OTOG: variants seen among roughly 807,000 people sequenced by gnomAD.
The protein encoded by OTOG is otogelin.
In OTOG, 296 loss-of-function variants were observed where a neutral mutation model predicts 313.8. The observed-to-expected ratio is 0.94, with a 90% confidence interval of 0.86 to 1.04. The LOEUF is 1.04. OTOG is among the 50% of genes least tolerant of loss of function. The pLI, the probability that OTOG is intolerant of heterozygous loss-of-function variation, is 0.00. For missense variants in OTOG, 3,948 were observed against 3,840.1 expected, an observed-to-expected ratio of 1.03 and a Z score of -0.74; for synonymous variants, 1,533 against 1,554.9, an observed-to-expected ratio of 0.99 and a Z score of 0.33.
At position 17,578,496 on chromosome 11, in the gene OTOG, C is replaced by G; in HGVS notation, c.2729C>G (p.Pro910Arg). The G allele has an allele frequency of 6.5e-7, 1 of 1,539,142 alleles. No individual in the cohort carries two copies. Among genetic ancestry groups the G allele is most frequent in the Non-Finnish European group, 8.7e-7 (1 of 1,146,698 alleles). ...AACCTGAGCGTGTCAGCCCGTGGCCCCTGCCTCTCGGGCTGCGCCTGTCCC... is the reference window on the plus strand; with the variant it reads ...AACCTGAGCGTGTCAGCCCGTGGCCGCTGCCTCTCGGGCTGCGCCTGTCCC... ...LLNLSVSARG[P>R]CLSGCACPQG... is the part of the protein sequence containing the mutation. Residue 910 changes from proline (P) to arginine (R), a missense_variant, in exon 23 of 56, where the codon CCC becomes CGC. Physicochemically the swap from Pro to Arg is moderately radical, Grantham distance 103 (BLOSUM62 -2). Transcript: ENST00000399397.
chr11:17,613,370 T>TTCCTTCCTTCCTTCCTTCCC (rs1491396194), intron 38 of OTOG, among the ~76,000 whole-genome samples: 1 of 69,004 alleles, frequency 1.4e-5, no homozygotes, highest in Non-Finnish European at 3.6e-5. Flanking sequence ...CCTTCCTTCC[T>TTCCTTCCTTCCTTCCTTCCC]TCCCTCCTTC....
At chr11:17,569,107 G>T in intron 15 of OTOG, 49 bp from the exon 16 acceptor site, 1 of 1,548,090 alleles carries the variant, frequency 6.5e-7, no homozygotes, top group Middle Eastern at 1.8e-4. Flanking sequence ...GTTGTATCCA[G>T]CAGGAGGGTC....
At chr11:17,639,502 T>TC in intron 49 of OTOG, 39 bp downstream of exon 49, 1 of 1,543,374 alleles carries the variant, frequency 6.5e-7, no homozygotes, top group Non-Finnish European at 8.8e-7. Context: ...CCTGGTCTGC[T>TC]CCCCTTTCCT....
At chr11:17,599,766 A>G in intron 31 of OTOG, 69 bp downstream of exon 31, 1 of 1,504,276 alleles carries the variant, frequency 6.6e-7, no homozygotes, top group Non-Finnish European at 9.0e-7. Flanking sequence ...GACGCCACAC[A>G]GCATCAGCCA....
At chr11:17,603,663 G>A (rs1590035340) in intron 32 of OTOG, among the ~76,000 whole-genome samples, 1 of 152,200 alleles carries the variant, frequency 6.6e-6, no homozygotes, top group South Asian at 2.1e-4. Context: ...GGCAGCCAAG[G>A]AAAGGTGCCT....
Position 17,631,736 on chromosome 11 carries a change from C to T in OTOG, c.6747C>T (p.Thr2249=), listed in dbSNP as rs1854131709. The T allele has an allele frequency of 1.3e-6, 2 of 1,550,546 alleles. No individual in the cohort carries two copies. The highest frequency in any genetic ancestry group is 2.7e-5 in the African/African-American group (2 of 73,134). The change falls in exon 41 of 56, where the codon ACC becomes ACT. Residue 2249 remains threonine (T), a synonymous_variant. Coordinates refer to ENST00000399397, the MANE Select transcript of OTOG (RefSeq NM_001292063.2). The stretch of plus-strand genomic sequence containing the variant: ...ATGGAGATGCAGCCAATGACCTTAC[C>T]CTGAAGGATGGCTCAGTGGTGGGTG... The part of the protein sequence containing the change: ...ICDGDAANDL[T]LKDGSVVGGA...
At chr11:17,568,589 C>A (rs139342186) in intron 15 of OTOG, among the ~76,000 whole-genome samples, 453 of 152,258 alleles carry the variant, frequency 3.0e-3, no homozygotes, top group African/African-American at 0.01. Flanking sequence ...ATACAGTATG[C>A]CTTGCACATA....
intron 33 of OTOG, among the ~76,000 whole-genome samples, chr11:17,607,084 G>C (rs1026242476): frequency 6.6e-6 from 1 of 152,168 alleles, no homozygotes; most frequent in Non-Finnish European, 1.5e-5. Context: ...TCCTTGACTT[G>C]GTTTCTTCAC....
At chr11:17,588,572 G>T (rs1398767112) in intron 24 of OTOG, among the ~76,000 whole-genome samples, 1 of 152,158 alleles carries the variant, frequency 6.6e-6, no homozygotes, top group Non-Finnish European at 1.5e-5. Context: ...GTGCATGACT[G>T]AGCCTGTCCC....
chr11:17,572,969 G>A (rs536650766), intron 18 of OTOG, 109 bp from the exon 19 acceptor site: 8 of 1,052,178 alleles, frequency 7.6e-6, no homozygotes, highest in South Asian at 3.3e-5. Context: ...TCCGTACAGC[G>A]TGTGCACACA....
intron 27 of OTOG, 116 bp from the exon 28 acceptor site, chr11:17,593,931 G>GA (rs1158975368): frequency 7.1e-5 from 102 of 1,436,444 alleles, no homozygotes; most frequent in Non-Finnish European, 9.4e-5. Flanking sequence ...TTCAAACTGT[G>GA]ACCTCAGCAG....
chr11:17,605,778 C>A (rs1185943019), intron 32 of OTOG, 79 bp from the exon 33 acceptor site: 1 of 1,431,530 alleles, frequency 7.0e-7, no homozygotes, highest in African/African-American at 1.4e-5. Context: ...GCTGAGAGAG[C>A]AGATGTGTGC....
At chr11:17,572,250 G>A in intron 18 of OTOG, 46 bp downstream of exon 18, 1 of 1,547,348 alleles carries the variant, frequency 6.5e-7, no homozygotes, top group Non-Finnish European at 8.7e-7. Flanking sequence ...GTGGGGTGGG[G>A]AGGACTGCTT....
Position 17,624,097 on chromosome 11 carries a change from G to T in OTOG, c.6529-5036G>T, listed in dbSNP as rs1853926325. On this transcript the variant is annotated intron_variant, in intron 39 of 55. Coordinates refer to ENST00000399397, the MANE Select transcript of OTOG (RefSeq NM_001292063.2). ...AGTTTGCAAAAATTTTTCCCATTCT[G>T]TAGGTTATCTGTTTACTCTGTTGAT... Among the ~76,000 whole-genome samples, 3 of 152,158 alleles carry T rather than the reference G, an allele frequency of 2.0e-5. No homozygotes were observed. The South Asian group carries it at 6.2e-4, about 32-fold the overall frequency.
chr11:17,639,717 T>C (rs931173255), intron 49 of OTOG, among the ~76,000 whole-genome samples: 2 of 152,184 alleles, frequency 1.3e-5, no homozygotes, highest in African/African-American at 2.4e-5. Context: ...AAGATGATAA[T>C]GATGATGCTG....
intron 35 of OTOG, among the ~76,000 whole-genome samples, chr11:17,609,419 G>T (rs1190384599): frequency 6.6e-6 from 1 of 152,020 alleles, no homozygotes; most frequent in Admixed American, 6.5e-5. Flanking sequence ...CCCAGAGTGG[G>T]GTCACATGGT....
intron 12 of OTOG, 142 bp downstream of exon 12, chr11:17,559,804 A>C: frequency 2.4e-6 from 2 of 849,686 alleles, no homozygotes; most frequent in Admixed American, 6.5e-5. Context: ...GGAAAAAAAG[A>C]AGGAAAGAAG....
chr11:17,617,738 C>T (rs1853758566), intron 39 of OTOG, among the ~76,000 whole-genome samples: 1 of 151,904 alleles, frequency 6.6e-6, no homozygotes, highest in African/African-American at 2.4e-5. Context: ...ACTTACTGTC[C>T]TTCTCAAAGA....
chr11:17,579,073 G>A (rs1852606177), intron 23 of OTOG, among the ~76,000 whole-genome samples: 1 of 152,200 alleles, frequency 6.6e-6, no homozygotes, highest in African/African-American at 2.4e-5. Flanking sequence ...CTGTGGGCAT[G>A]CCTTGTGTGG....
Sources: allele counts gnomAD v4.1 joint callset (sites outside exome capture counted in the v4.1 genomes callset), GRCh38; gene constraint gnomAD v4.1.1; transcripts MANE v1.5; gene names NCBI Gene and HGNC (gene_info 2026-07-23, HGNC 2026-07-21).